Variants in MTUS2 observed in about 807,000 individuals in gnomAD.
MTUS2 encodes microtubule associated scaffold protein 2.
In MTUS2, 40 loss-of-function variants were observed where a neutral mutation model predicts 114.1. That is an observed-to-expected ratio of 0.35 (90% CI 0.27 to 0.46). The LOEUF is 0.46. Among genes scored for constraint, MTUS2 ranks in the 20% least tolerant of loss-of-function variants. The probability of loss-of-function intolerance (pLI) is 1.00; values close to 1 mark genes in which losing one functional copy is unlikely to be tolerated. For synonymous variants in MTUS2, 688 were observed against 672.0 expected (o/e 1.02, Z -0.37); for missense variants, 1,679 against 1,705.4 (o/e 0.98, Z 0.27).
chr13:28,957,691 G>C (rs73439456), intron 2 of MTUS2, among the ~76,000 whole-genome samples: 1,839 of 152,264 alleles, frequency 0.012, 51 homozygotes, highest in African/African-American at 0.041. Flanking sequence ...CTGGAGGGGG[G>C]GGTCCTGGGA....
chr13:29,494,269 T>C (rs1882386665), intron 12 of MTUS2, among the ~76,000 whole-genome samples: 1 of 152,244 alleles, frequency 6.6e-6, no homozygotes, highest in Non-Finnish European at 1.5e-5. Flanking sequence ...CAAGCATTGT[T>C]ACATTTATTG....
At chr13:29,035,066 A>T (rs1468878171) in intron 4 of MTUS2, among the ~76,000 whole-genome samples, 1 of 152,202 alleles carries the variant, frequency 6.6e-6, no homozygotes, top group South Asian at 2.1e-4. Flanking sequence ...AGGCAGATCA[A>T]ATTCTTCTGA....
At chr13:28,949,491 A>G (rs187895754) in intron 2 of MTUS2, among the ~76,000 whole-genome samples, 2 of 152,354 alleles carry the variant, frequency 1.3e-5, no homozygotes, top group African/African-American at 4.8e-5. Context: ...AACATTTACC[A>G]TCTTAACAAT....
chr13:29,010,986 C>T (rs752037598), intron 2 of MTUS2, among the ~76,000 whole-genome samples: 16 of 152,112 alleles, frequency 1.1e-4, no homozygotes, highest in African/African-American at 1.7e-4. Flanking sequence ...CCAGAGAGGA[C>T]GCGTTAGCAT....
chr13:28,908,315 C>G (rs554081510), intron 2 of MTUS2, among the ~76,000 whole-genome samples: 1 of 151,448 alleles, frequency 6.6e-6, no homozygotes, highest in Admixed American at 6.6e-5. Context: ...CAACAGGCCC[C>G]GGTGGGTGAT....
intron 8 of MTUS2, among the ~76,000 whole-genome samples, chr13:29,398,720 G>A (rs914490168): frequency 1.2e-4 from 18 of 152,170 alleles, no homozygotes; most frequent in Non-Finnish European, 1.9e-4. Context: ...CACATAAAGT[G>A]CTGAAAAGAG....
chr13:29,299,807 T>G (rs957168562), intron 6 of MTUS2, among the ~76,000 whole-genome samples: 1 of 152,074 alleles, frequency 6.6e-6, no homozygotes, highest in African/African-American at 2.4e-5. Flanking sequence ...CTCCCCCATT[T>G]TTTTCCAAGC....
intron 2 of MTUS2, among the ~76,000 whole-genome samples, chr13:29,019,828 C>G (rs980955311): frequency 6.6e-6 from 1 of 152,176 alleles, no homozygotes; most frequent in Admixed American, 6.5e-5. Flanking sequence ...CTTCAGGTTC[C>G]CTGGTGCTAC....
At chr13:28,823,832 C>T (rs765156453) in intron 1 of MTUS2, among the ~76,000 whole-genome samples, 34 of 151,908 alleles carry the variant, frequency 2.2e-4, no homozygotes, top group African/African-American at 7.3e-5. Context: ...CATAGAATCA[C>T]GGTGGAAGGG....
chr13:29,119,457 T>G (rs1484595097), intron 5 of MTUS2, among the ~76,000 whole-genome samples: 1 of 152,230 alleles, frequency 6.6e-6, no homozygotes, highest in Non-Finnish European at 1.5e-5. Context: ...TTTTCATATA[T>G]TCTTTTATGT....
chr13:28,823,365 CAT>C (rs1039640708), intron 1 of MTUS2, among the ~76,000 whole-genome samples: 15 of 152,248 alleles, frequency 9.9e-5, no homozygotes, highest in African/African-American at 1.7e-4. Flanking sequence ...CTACCACACA[CAT>C]GTTTGAAACG....
At chr13:29,086,790 A>G (rs1409740864) in intron 4 of MTUS2, among the ~76,000 whole-genome samples, 10 of 151,970 alleles carry the variant, frequency 6.6e-5, no homozygotes, top group Admixed American at 6.6e-4. Context: ...GTCATCTATT[A>G]TTTCTTTCAG....
chr13:29,167,592 A>G (rs1893370744), intron 5 of MTUS2, among the ~76,000 whole-genome samples: 2 of 152,106 alleles, frequency 1.3e-5, no homozygotes, highest in African/African-American at 4.8e-5. Flanking sequence ...TTATTTAACC[A>G]GAAAAGTTAA....
At chr13:29,322,776 C>T (rs755369903) in intron 6 of MTUS2, among the ~76,000 whole-genome samples, 1 of 152,100 alleles carries the variant, frequency 6.6e-6, no homozygotes, top group South Asian at 2.1e-4. Context: ...ACTCAAGCCA[C>T]AGGAGGAAGC....
At chr13:29,085,700 C>G (rs1889662027) in intron 4 of MTUS2, among the ~76,000 whole-genome samples, 1 of 152,092 alleles carries the variant, frequency 6.6e-6, no homozygotes, top group African/African-American at 2.4e-5. Context: ...CATTGGGCAC[C>G]TAGGTTGATT....
At chr13:29,405,802 G>T (rs377305428) in intron 8 of MTUS2, among the ~76,000 whole-genome samples, 73 of 151,012 alleles carry the variant, frequency 4.8e-4, no homozygotes, top group African/African-American at 1.6e-3. Context: ...GTGCAGTGGC[G>T]TGATCTCGGC....
At chr13:28,919,520 A>G (rs1222489499) in intron 2 of MTUS2, among the ~76,000 whole-genome samples, 2 of 151,354 alleles carry the variant, frequency 1.3e-5, no homozygotes, top group Non-Finnish European at 2.9e-5. Flanking sequence ...TACCTTTGGG[A>G]ATTTGATTAT....
At chr13:28,884,566 A>G (rs116085713) in intron 2 of MTUS2, among the ~76,000 whole-genome samples, 2,642 of 139,406 alleles carry the variant, frequency 0.019, 69 homozygotes, top group African/African-American at 0.066. Flanking sequence ...TAAAAATTGC[A>G]TAGATCTACA....
chr13:28,885,442 G>A (rs565355573), intron 2 of MTUS2, among the ~76,000 whole-genome samples: 1 of 152,314 alleles, frequency 6.6e-6, no homozygotes, highest in East Asian at 1.9e-4. Context: ...GGGGGATTAA[G>A]TGTTCTTTAC....
Sources: gnomAD v4.1 joint callset for allele counts (sites outside exome capture counted in the v4.1 genomes callset) on GRCh38, gnomAD v4.1.1 for gene constraint, MANE v1.5 for transcripts, NCBI Gene and HGNC (gene_info 2026-07-23, HGNC 2026-07-21) for gene names.